Variants in ERMP1 observed in about 807,000 individuals in gnomAD.
ERMP1 encodes the protein endoplasmic reticulum metallopeptidase 1, also known as Felix-ina.
In ERMP1, 86 loss-of-function variants were observed where a neutral mutation model predicts 92.0. The ratio of observed to expected loss-of-function variants is 0.93; its 90% CI spans 0.79 to 1.12. ERMP1 has a LOEUF of 1.12. Ranked by LOEUF, ERMP1 falls within the 50% of genes most tolerant of loss-of-function variation. The pLI is 0.00. For synonymous variants in ERMP1, 530 were observed against 412.8 expected, an observed-to-expected ratio of 1.28 and a Z score of -3.44; for missense variants, 1,342 against 1,116.3, an observed-to-expected ratio of 1.20 and a Z score of -2.88.
At chr9:5,842,538 AGTT>A (rs1325753091) in intron 6 of ERMP1, among the ~76,000 whole-genome samples, 1 of 152,208 alleles carries the variant, frequency 6.6e-6, no homozygotes, top group African/African-American at 2.4e-5. Flanking sequence ...AATGCCACAA[AGTT>A]GTTCACTTTT....
intron 7 of ERMP1, among the ~76,000 whole-genome samples, chr9:5,810,620 G>C (rs188029484): frequency 3.3e-5 from 5 of 152,254 alleles, no homozygotes; most frequent in Admixed American, 3.3e-4. Context: ...AACATAAGAA[G>C]ATAAGGAGTG....
At chr9:5,820,004 T>G (rs1829469171) in intron 4 of ERMP1, among the ~76,000 whole-genome samples, 2 of 152,206 alleles carry the variant, frequency 1.3e-5, no homozygotes, top group South Asian at 4.1e-4. Context: ...GAATTCATTC[T>G]AAAGAAGGCT....
intron 4 of ERMP1, among the ~76,000 whole-genome samples, chr9:5,814,681 G>A (rs1829236070): frequency 6.6e-6 from 1 of 152,154 alleles, no homozygotes; most frequent in Non-Finnish European, 1.5e-5. Flanking sequence ...ACTGAGCCAA[G>A]ATTGTGCCAC....
At chr9:5,804,258 CTGGAGGGGCCCATCTTGGATCG>C (rs1368744760) in intron 10 of ERMP1, among the ~76,000 whole-genome samples, 1 of 152,154 alleles carries the variant, frequency 6.6e-6, no homozygotes, top group African/African-American at 2.4e-5. Context: ...CCTGCATTCT[CTGGAGGGGCCCATCTTGGATCG>C]TGGAGGTGGA....
intron 13 of ERMP1, among the ~76,000 whole-genome samples, chr9:5,788,223 G>A (rs996246599): frequency 6.6e-6 from 1 of 152,170 alleles, no homozygotes; most frequent in Non-Finnish European, 1.5e-5. Context: ...TTAAATCTCA[G>A]GGAGCAATCT....
chr9:5,835,838 G>T (rs1394358313), upstream of ERMP1, among the ~76,000 whole-genome samples: 2 of 152,202 alleles, frequency 1.3e-5, no homozygotes, highest in African/African-American at 4.8e-5. Flanking sequence ...CTTTGATAAT[G>T]TCTGGTCTTT....
At chr9:5,820,665 G>C (rs1372927397) in intron 4 of ERMP1, among the ~76,000 whole-genome samples, 4 of 152,200 alleles carry the variant, frequency 2.6e-5, no homozygotes, top group African/African-American at 9.6e-5. Flanking sequence ...TGACAAGGGA[G>C]TTCCAGAGCA....
intron 4 of ERMP1, among the ~76,000 whole-genome samples, chr9:5,820,601 G>T (rs565327067): frequency 9.2e-5 from 14 of 152,282 alleles, no homozygotes; most frequent in African/African-American, 3.4e-4. Flanking sequence ...AAATTAGGTA[G>T]TAATGATTAT....
At chr9:5,790,659 C>T (rs1000625691) in intron 13 of ERMP1, among the ~76,000 whole-genome samples, 3 of 152,138 alleles carry the variant, frequency 2.0e-5, no homozygotes, top group African/African-American at 7.2e-5. Flanking sequence ...AAGGCAAAGG[C>T]ATTAAATATA....
intron 13 of ERMP1, among the ~76,000 whole-genome samples, chr9:5,792,559 C>T (rs1227172647): frequency 6.6e-6 from 1 of 152,128 alleles, no homozygotes; most frequent in African/African-American, 2.4e-5. Context: ...TGTAAGGCTC[C>T]TAAATTGCTG....
Position 5,825,292 on chromosome 9 carries a change from T to C in ERMP1, c.641-73A>G. On this transcript the variant is annotated intron_variant, in intron 2 of 14. Coordinates refer to ENST00000339450, the MANE Select transcript of ERMP1 (RefSeq NM_024896.3). ...CAATATGACCCATTAGGACTAGGAA[T>C]GGAGCTTTCTCCTCAGAGAAGCATC... The C allele has an allele frequency of 3.5e-6, 5 of 1,431,108 alleles. No individual in the cohort carries two copies. In the East Asian group the frequency reaches 7.2e-5, roughly 21 times the overall value. 88.7% of individuals were successfully genotyped at this position (1,431,108 alleles called of 1,614,324 possible).
At position 5,801,304 on chromosome 9, in the gene ERMP1, T is replaced by C; in HGVS notation, c.1939A>G (p.Ser647Gly). The C allele has an allele frequency of 6.2e-7, 1 of 1,612,966 alleles. No individual in the cohort carries two copies. The highest frequency in any genetic ancestry group is 1.7e-5 in the Admixed American group (1 of 59,870). The change falls in exon 11 of 15, where the codon AGC becomes GGC. Residue 647 changes from serine (S) to glycine (G), a missense_variant. Physicochemically the swap from Ser to Gly is moderately conservative, Grantham distance 56. Coordinates refer to ENST00000339450, the MANE Select transcript of ERMP1 (RefSeq NM_024896.3). The stretch of plus-strand genomic sequence containing the variant: ...AAAGTTAGCATGGTTTTTTTTGTGC[T>C]CTTGGCAAGGTAGATGAAGTTAATC... ...YFINFIYLAKSTKKTMLTLTL... is the reference protein window; with the variant it reads ...YFINFIYLAKGTKKTMLTLTL...
At chr9:5,863,647 G>T (rs1349819037) in intron 5 of ERMP1, among the ~76,000 whole-genome samples, 2 of 152,164 alleles carry the variant, frequency 1.3e-5, no homozygotes. Context: ...TCAGAGGGAA[G>T]GTCAAAAGCT....
intron 2 of ERMP1, among the ~76,000 whole-genome samples, chr9:5,825,680 G>A (rs1563769557): frequency 6.6e-6 from 1 of 152,130 alleles, no homozygotes; most frequent in Admixed American, 6.6e-5. Flanking sequence ...CATAAAAGCT[G>A]CACAGAGAGG....
At chr9:5,812,250 T>C (rs1829126347) in intron 5 of ERMP1, 33 bp from the exon 6 acceptor site, 5 of 1,358,772 alleles carry the variant, frequency 3.7e-6, no homozygotes, top group Non-Finnish European at 5.1e-6. Context: ...AAAAAGTCAT[T>C]TTGCTTTAAA....
In ERMP1 at chr9:5,784,833, A is replaced by T. The variant is rs1418057937; in HGVS notation, c.*2311T>A. 6.6e-6 allele frequency: 1 copy of T among 152,616 alleles called. No homozygotes were observed. The highest frequency in any genetic ancestry group is 2.4e-5 in the African/African-American group (1 of 41,452). 9.5% of individuals were successfully genotyped at this position (152,616 alleles called of 1,614,324 possible). A position where few individuals can be genotyped will look rare whatever the true frequency, so the allele number is the denominator to read the frequency against. ...CGAACTATTTTGAAATCAATTCCTC[A>T]CACTTTTTCCCTGAATATGCAGTAC... On this transcript the variant is annotated 3_prime_UTR_variant, in exon 15 of 15. Coordinates refer to ENST00000339450, the MANE Select transcript of ERMP1 (RefSeq NM_024896.3).
chr9:5,830,104 C>A (rs200836714), intron 2 of ERMP1, among the ~76,000 whole-genome samples: 184 of 152,328 alleles, frequency 1.2e-3, no homozygotes, highest in Non-Finnish European at 2.1e-3. Context: ...TCAACAGAAT[C>A]TGCTAGAAGA....
chr9:5,832,321 T>G (rs1829972854), intron 1 of ERMP1: 1 of 210,036 alleles, frequency 4.8e-6, no homozygotes, highest in Non-Finnish European at 9.4e-6. Context: ...ACAGTCTAGG[T>G]ACACAAATTT....
In ERMP1 at chr9:5,799,011, GAA is replaced by G. The variant is rs761487490; in HGVS notation, c.2068-5_2068-4del. 2 of 1,575,636 alleles carry G rather than the reference GAA, an allele frequency of 1.3e-6. No homozygotes were observed. Among genetic ancestry groups the G allele is most frequent in the South Asian group, 1.1e-5 (1 of 87,394 alleles). On this transcript the variant is annotated splice_region_variant and splice_polypyrimidine_tract_variant and intron_variant, in intron 11 of 14. Transcript: ENST00000339450. The stretch of plus-strand genomic sequence containing the variant: ...TCATGGAATGTTCTAGTCATATGCT[GAA>G]AAAAAAAGACTAGTGAAAAAACTGT...
Sources: gnomAD v4.1 joint callset for allele counts (sites outside exome capture counted in the v4.1 genomes callset) on GRCh38, gnomAD v4.1.1 for gene constraint, MANE v1.5 for transcripts, NCBI Gene and HGNC (gene_info 2026-07-23, HGNC 2026-07-21) for gene names.